HERC1: variants seen among roughly 807,000 people sequenced by gnomAD.
The protein encoded by HERC1 is HECT and RLD domain containing E3 ubiquitin protein ligase family member 1.
HERC1 carries 160 observed loss-of-function variants against 554.3 expected under a neutral mutation model. The ratio of observed to expected loss-of-function variants is 0.29; its 90% CI spans 0.25 to 0.33. The LOEUF (loss-of-function observed/expected upper bound fraction) is 0.33. HERC1 is among the 10% of genes least tolerant of loss of function. The pLI is 1.00. For synonymous variants in HERC1, 2,175 were observed against 2,131.7 expected, an observed-to-expected ratio of 1.02 and a Z score of -0.56; for missense variants, 4,919 against 5,918.5, an observed-to-expected ratio of 0.83 and a Z score of 5.54.
chr15:63,646,359 C>T (rs2069337421), intron 55 of HERC1, among the ~76,000 whole-genome samples: 1 of 152,128 alleles, frequency 6.6e-6, no homozygotes, highest in Non-Finnish European at 1.5e-5. Flanking sequence ...TTTACTCTTT[C>T]ATGGCTTATT....
intron 69 of HERC1, among the ~76,000 whole-genome samples, chr15:63,629,613 A>G (rs1306420039): frequency 6.6e-6 from 1 of 152,248 alleles, no homozygotes; most frequent in East Asian, 1.9e-4. Context: ...ACGTCACGGC[A>G]CTGCCAGGAA....
Position 63,692,625 on chromosome 15 carries a change from T to C in HERC1, c.5675-59A>G. ...AGAGCCAACAAGAAATAGTCTTATA[T>C]CACATAATTTACCTTGAAACTGCAG... On this transcript the variant is annotated intron_variant, in intron 30 of 77. Coordinates refer to ENST00000443617, the MANE Select transcript of HERC1 (RefSeq NM_003922.4). This position sits in a 1 kb window ranked among gnomAD's most constrained non-coding sequence, Gnocchi z 4.7. The C allele has an allele frequency of 2.1e-6, 3 of 1,411,706 alleles. No homozygotes were observed. The highest frequency in any genetic ancestry group is 2.8e-6 in the Non-Finnish European group (3 of 1,054,764). The allele number at this position is 1,411,706 out of a possible 1,614,324, so 87.4% of individuals were successfully genotyped here.
chr15:63,619,440 T>C (rs1009259494), intron 74 of HERC1, among the ~76,000 whole-genome samples: 30 of 152,208 alleles, frequency 2.0e-4, no homozygotes, highest in African/African-American at 7.0e-4. Context: ...TCATCAAGGA[T>C]ATTGGTCTAA....
In HERC1 at chr15:63,758,114, C is replaced by A; in HGVS notation, c.1221+61G>T. On this transcript the variant is annotated intron_variant, in intron 4 of 77. Coordinates refer to ENST00000443617, the MANE Select transcript of HERC1 (RefSeq NM_003922.4). This position sits in a 1 kb window ranked among gnomAD's most constrained non-coding sequence, Gnocchi z 4.0. The stretch of plus-strand genomic sequence containing the variant: ...AAAAAATACTCAGTATTATTTAATG[C>A]AAATAAGCATGAATATACACCAGAT... 8.4e-7 allele frequency: 1 copy of A among 1,187,610 alleles called. No individual in the cohort carries two copies. The highest frequency in any genetic ancestry group is 1.2e-6 in the Non-Finnish European group (1 of 829,352). 73.6% of individuals were successfully genotyped at this position (1,187,610 alleles called of 1,614,324 possible).
At chr15:63,639,140 A>G (rs1235852401) in intron 61 of HERC1, among the ~76,000 whole-genome samples, 1 of 152,114 alleles carries the variant, frequency 6.6e-6, no homozygotes, top group Non-Finnish European at 1.5e-5. Flanking sequence ...CTCATCTACA[A>G]AATTACAGAG....
At position 63,639,165 on chromosome 15, in the gene HERC1, C is replaced by T. The variant is rs536159409; in HGVS notation, c.11902-389G>A. Among the ~76,000 whole-genome samples the T allele has an allele frequency of 2.0e-5, 3 of 152,286 alleles. No homozygotes were observed. In the South Asian group the frequency reaches 6.2e-4, roughly 32 times the overall value. On this transcript the variant is annotated intron_variant, in intron 61 of 77. Coordinates refer to ENST00000443617, the MANE Select transcript of HERC1 (RefSeq NM_003922.4). The stretch of plus-strand genomic sequence containing the variant: ...AAATTACAGAGTTGGGCCAAATGGG[C>T]TTAGAAGGACATTTTCTGATTAAAA...
intron 22 of HERC1, among the ~76,000 whole-genome samples, chr15:63,714,415 A>C (rs1183056901): frequency 6.6e-6 from 1 of 152,154 alleles, no homozygotes; most frequent in East Asian, 1.9e-4. Context: ...AGGAATACCC[A>C]TCTGATGCCA....
At chr15:63,661,605 C>T in intron 45 of HERC1, 148 bp downstream of exon 45, 2 of 751,378 alleles carry the variant, frequency 2.7e-6, no homozygotes, top group Non-Finnish European at 4.3e-6. Flanking sequence ...TTTCTGAAAC[C>T]CCTCCATCCC....
intron 1 of HERC1, among the ~76,000 whole-genome samples, chr15:63,818,797 ACTTT>A (rs1223045866): frequency 1.3e-5 from 2 of 152,212 alleles, no homozygotes; most frequent in African/African-American, 4.8e-5. Flanking sequence ...AAGCTACCAG[ACTTT>A]CTTTTTCAAC....
intron 74 of HERC1, among the ~76,000 whole-genome samples, chr15:63,619,296 G>A (rs548598673): frequency 6.6e-6 from 1 of 152,158 alleles, no homozygotes; most frequent in African/African-American, 2.4e-5. Flanking sequence ...GCTGGATTAT[G>A]TTTATTGATT....
In HERC1 at chr15:63,758,057, C is replaced by A; in HGVS notation, c.1221+118G>T. The stretch of plus-strand genomic sequence containing the variant: ...AAAAAAACTAATGCAGTATATAGAC[C>A]AGAAATAACCATCGATAATTTTCAC... On this transcript the variant is annotated intron_variant, in intron 4 of 77. Transcript: ENST00000443617. This position sits in a 1 kb window ranked among gnomAD's most constrained non-coding sequence, Gnocchi z 4.0. The A allele has an allele frequency of 1.3e-6, 1 of 772,912 alleles. No individual in the cohort carries two copies. The highest frequency in any genetic ancestry group is 2.9e-5 in the Admixed American group (1 of 34,786). 47.9% of individuals were successfully genotyped at this position (772,912 alleles called of 1,614,324 possible).
intron 12 of HERC1, among the ~76,000 whole-genome samples, chr15:63,741,133 A>G (rs1332130781): frequency 6.6e-6 from 1 of 151,496 alleles, no homozygotes; most frequent in African/African-American, 2.4e-5. Flanking sequence ...GGTTCAAGCA[A>G]TTCTTCTGCC....
At position 63,829,592 on chromosome 15, in the gene HERC1, T is replaced by TAA. The variant is rs1406627217; in HGVS notation, c.-27+4234_-27+4235insTT. On this transcript the variant is annotated intron_variant, in intron 1 of 77. Transcript: ENST00000443617. ...ATATATATATATATATATATATATATATAATATACTGATATATTTCCTAGT... is the reference window on the plus strand; with the variant it reads ...ATATATATATATATATATATATATATAAATAATATACTGATATATTTCCTAGT... Among the ~76,000 whole-genome samples the TAA allele has an allele frequency of 2.3e-3, 299 of 131,706 alleles. 2 individuals are homozygous for TAA. The highest frequency in any genetic ancestry group is 8.3e-3 in the African/African-American group (284 of 34,378). 86.4% of individuals were successfully genotyped at this position (131,706 alleles called of 152,430 possible). A position where few individuals can be genotyped will look rare whatever the true frequency, so the allele number is the denominator to read the frequency against.
In HERC1 at chr15:63,622,800, T is replaced by A; in HGVS notation, c.13688+15A>T. 1 of 1,576,042 alleles carries A rather than the reference T, an allele frequency of 6.3e-7. No individual in the cohort carries two copies. Among genetic ancestry groups the A allele is most frequent in the South Asian group, 1.2e-5 (1 of 85,024 alleles). Reference sequence around the variant, plus strand: ...TTATTTTAGACATATAATGAACACTTGCTGACTGCCATACCTGTCCCTATT... The same window carrying A: ...TTATTTTAGACATATAATGAACACTAGCTGACTGCCATACCTGTCCCTATT... On this transcript the variant is annotated intron_variant, in intron 74 of 77. Transcript: ENST00000443617.
chr15:63,754,147 C>G (rs532400029), intron 7 of HERC1, among the ~76,000 whole-genome samples: 93 of 150,956 alleles, frequency 6.2e-4, no homozygotes, highest in Non-Finnish European at 1.1e-3. Flanking sequence ...GCACTCTAGC[C>G]TGGGTAACAA....
chr15:63,719,636 T>C (rs1050092138), intron 19 of HERC1, among the ~76,000 whole-genome samples: 1 of 152,310 alleles, frequency 6.6e-6, no homozygotes, highest in Non-Finnish European at 1.5e-5. Flanking sequence ...GTAATTCAAG[T>C]GAGAAATGAT....
chr15:63,829,025 C>T (rs74019048), intron 1 of HERC1, among the ~76,000 whole-genome samples: 1,645 of 152,142 alleles, frequency 0.011, 21 homozygotes, highest in African/African-American at 0.037. Flanking sequence ...TCATGAAAGC[C>T]AGGTTTCTGA....
At chr15:63,792,515 A>G (rs1170261473) in intron 1 of HERC1, among the ~76,000 whole-genome samples, 1 of 152,260 alleles carries the variant, frequency 6.6e-6, no homozygotes, top group Non-Finnish European at 1.5e-5. Flanking sequence ...AGTATCCCCA[A>G]CTAATTCCCT....
intron 2 of HERC1, among the ~76,000 whole-genome samples, chr15:63,767,358 A>G (rs2075814122): frequency 6.6e-6 from 1 of 152,158 alleles, no homozygotes; most frequent in Non-Finnish European, 1.5e-5. Flanking sequence ...TCCATCAGGT[A>G]AATAAAACAA....
Sources: allele counts gnomAD v4.1 joint callset (sites outside exome capture counted in the v4.1 genomes callset), GRCh38; gene constraint gnomAD v4.1.1; non-coding constraint Gnocchi (gnomAD v3.1); transcripts MANE v1.5; gene names NCBI Gene and HGNC (gene_info 2026-07-23, HGNC 2026-07-21).